The following DENND1A variants were observed in gnomAD, a reference collection of about 807,000 sequenced individuals.
DENND1A encodes the protein DENN domain containing 1A, also known as DENN domain-containing protein 1A.
DENND1A carries 51 observed loss-of-function variants against 113.7 expected under a neutral mutation model. The observed-to-expected ratio is 0.45, with a 90% CI of 0.36 to 0.57. The LOEUF is 0.57. Among genes scored for constraint, DENND1A ranks in the 20% least tolerant of loss-of-function variants. The pLI is 0.00. For missense variants in DENND1A, 1,258 were observed against 1,395.9 expected (o/e 0.90, Z 1.57); for synonymous variants, 565 against 570.8 (o/e 0.99, Z 0.14).
At chr9:123,710,403 T>C (rs532871911) in intron 5 of DENND1A, among the ~76,000 whole-genome samples, 299 of 152,332 alleles carry the variant, frequency 2.0e-3, no homozygotes, top group African/African-American at 6.9e-3. Flanking sequence ...CCACTGGAGT[T>C]TGAATGCTGA....
At chr9:123,789,454 G>A (rs1375418470) in intron 3 of DENND1A, among the ~76,000 whole-genome samples, 22 of 152,090 alleles carry the variant, frequency 1.4e-4, no homozygotes, top group Admixed American at 1.4e-3. Flanking sequence ...CATTACTTCC[G>A]TGACAGAAAG....
intron 18 of DENND1A, among the ~76,000 whole-genome samples, chr9:123,444,236 A>T (rs906967103): frequency 2.0e-5 from 3 of 152,262 alleles, no homozygotes; most frequent in African/African-American, 7.2e-5. Flanking sequence ...CTAATGAAAT[A>T]ATATGAATTT....
chr9:123,495,570 C>T (rs1564598777), intron 13 of DENND1A, among the ~76,000 whole-genome samples: 1 of 152,206 alleles, frequency 6.6e-6, no homozygotes, highest in South Asian at 2.1e-4. Flanking sequence ...GTGGTCACAG[C>T]CCATGATACT....
At chr9:123,415,241 G>A (rs1355132822) in intron 19 of DENND1A, among the ~76,000 whole-genome samples, 1 of 152,196 alleles carries the variant, frequency 6.6e-6, no homozygotes, top group African/African-American at 2.4e-5. Flanking sequence ...CACTCGGGGA[G>A]TTTTCCCTGC....
chr9:123,586,698 G>A (rs962319463), intron 11 of DENND1A, among the ~76,000 whole-genome samples: 19 of 152,138 alleles, frequency 1.2e-4, no homozygotes, highest in African/African-American at 2.7e-4. Flanking sequence ...GACAGTGCCC[G>A]GTCCCCCAAA....
intron 19 of DENND1A, among the ~76,000 whole-genome samples, chr9:123,412,386 C>A (rs1358587920): frequency 6.6e-6 from 1 of 152,218 alleles, no homozygotes; most frequent in Non-Finnish European, 1.5e-5. Flanking sequence ...CCTTCAAGAG[C>A]TCTGTCGGCT....
intron 2 of DENND1A, among the ~76,000 whole-genome samples, chr9:123,811,098 G>A (rs367601826): frequency 1.3e-5 from 2 of 152,074 alleles, no homozygotes; most frequent in East Asian, 1.9e-4. Flanking sequence ...TTGAAGCCTG[G>A]ACTAGACCCT....
intron 5 of DENND1A, among the ~76,000 whole-genome samples, chr9:123,728,980 G>A (rs769968254): frequency 3.3e-5 from 5 of 152,080 alleles, no homozygotes; most frequent in Admixed American, 6.5e-5. Context: ...ATCAATAAAC[G>A]TAATCCATCA....
At chr9:123,595,777 C>T (rs981467305) in intron 11 of DENND1A, among the ~76,000 whole-genome samples, 5 of 152,120 alleles carry the variant, frequency 3.3e-5, no homozygotes, top group African/African-American at 1.2e-4. Flanking sequence ...CATACAGAGT[C>T]CACCATCAAG....
chr9:123,402,747 C>A, intron 21 of DENND1A: 2 of 402,604 alleles, frequency 5.0e-6, no homozygotes, highest in South Asian at 3.7e-5. Context: ...CTATCTGCAG[C>A]CTTCTGCCTC....
intron 2 of DENND1A, among the ~76,000 whole-genome samples, chr9:123,820,796 G>T (rs903467465): frequency 7.9e-5 from 12 of 152,084 alleles, no homozygotes; most frequent in Admixed American, 7.9e-4. Context: ...AATAGCAATT[G>T]TTCATATCAC....
chr9:123,715,041 G>C (rs2066882051), intron 5 of DENND1A, among the ~76,000 whole-genome samples: 1 of 152,068 alleles, frequency 6.6e-6, no homozygotes, highest in Admixed American at 6.5e-5. Flanking sequence ...AAATTAGCCA[G>C]GCATGGTGGC....
At chr9:123,880,020 G>A (rs560144256) in intron 1 of DENND1A, among the ~76,000 whole-genome samples, 4 of 151,942 alleles carry the variant, frequency 2.6e-5, no homozygotes, top group South Asian at 2.1e-4. Context: ...GTTTATTTAC[G>A]TATTTATTTT....
intron 13 of DENND1A, among the ~76,000 whole-genome samples, chr9:123,497,443 A>G (rs530393567): frequency 6.6e-6 from 1 of 152,248 alleles, no homozygotes; most frequent in Non-Finnish European, 1.5e-5. Context: ...TCAGCTCCCC[A>G]AGTAGCTGGG....
At chr9:123,798,011 A>AT (rs199628011) in intron 2 of DENND1A, among the ~76,000 whole-genome samples, 1 of 152,184 alleles carries the variant, frequency 6.6e-6, no homozygotes, top group Non-Finnish European at 1.5e-5. Context: ...GAAATTTGTT[A>AT]TTTAAAAAAA....
At chr9:123,536,730 G>A (rs2055809618) in intron 13 of DENND1A, among the ~76,000 whole-genome samples, 2 of 152,096 alleles carry the variant, frequency 1.3e-5, no homozygotes, top group African/African-American at 2.4e-5. Context: ...TGCTGGGAAT[G>A]GAACCAAGAT....
At chr9:123,479,286 C>T (rs2050150639) in intron 13 of DENND1A, among the ~76,000 whole-genome samples, 1 of 152,206 alleles carries the variant, frequency 6.6e-6, no homozygotes, top group Admixed American at 6.5e-5. Context: ...GATCGCCTCT[C>T]ATTTGCTCTT....
chr9:123,581,801 A>G (rs1456835029), intron 12 of DENND1A, among the ~76,000 whole-genome samples: 1 of 152,156 alleles, frequency 6.6e-6, no homozygotes, highest in Non-Finnish European at 1.5e-5. Flanking sequence ...GCCAGGAACA[A>G]CAACCCGTTT....
At chr9:123,649,451 T>G (rs190307101) in intron 9 of DENND1A, among the ~76,000 whole-genome samples, 1 of 152,122 alleles carries the variant, frequency 6.6e-6, no homozygotes, top group Non-Finnish European at 1.5e-5. Context: ...GCAGGAAAAG[T>G]TGGGTTTCAT....
Sources: gnomAD v4.1 joint callset for allele counts (sites outside exome capture counted in the v4.1 genomes callset) on GRCh38, gnomAD v4.1.1 for gene constraint, MANE v1.5 for transcripts, NCBI Gene and HGNC (gene_info 2026-07-23, HGNC 2026-07-21) for gene names.